Variants in PALLD observed in about 807,000 individuals in gnomAD.
PALLD encodes palladin, cytoskeletal associated protein, also known as palladin.
PALLD carries 61 observed loss-of-function variants against 123.5 expected under a neutral mutation model. The observed-to-expected ratio is 0.49, with a 90% CI of 0.40 to 0.61. The LOEUF is 0.61. PALLD is among the 20% of genes least tolerant of loss of function. The probability of loss-of-function intolerance (pLI) is 0.00; values close to 1 mark genes in which losing one functional copy is unlikely to be tolerated. For synonymous variants in PALLD, 465 were observed against 496.4 expected (o/e 0.94, Z 0.84); for missense variants, 1,273 against 1,377.0 (o/e 0.92, Z 1.20).
intron 2 of PALLD, among the ~76,000 whole-genome samples, chr4:168,606,103 A>C (rs1406511895): frequency 1.3e-5 from 2 of 152,190 alleles, no homozygotes; most frequent in Non-Finnish European, 2.9e-5. Flanking sequence ...AGTGAATTAG[A>C]AGTTGTTTTA....
chr4:168,718,597 AG>A (rs1250318044), intron 10 of PALLD, among the ~76,000 whole-genome samples: 1 of 152,218 alleles, frequency 6.6e-6, no homozygotes, highest in Non-Finnish European at 1.5e-5. Flanking sequence ...AAAAGTATAA[AG>A]AAATATATGC....
chr4:168,714,875 A>T (rs900804653), intron 10 of PALLD, among the ~76,000 whole-genome samples: 3 of 151,690 alleles, frequency 2.0e-5, no homozygotes, highest in African/African-American at 7.3e-5. Context: ...AGAAAACTGC[A>T]TTTTTTTTCT....
rs56057818 is a variant in PALLD, at chr4:168,738,943, C to A, written c.1964+27020C>A. ...AGGAAAAGACTTTCAAGCATAGAGT[C>A]CAGGCAGGTATCTATCATTCTGCTT... On this transcript the variant is annotated intron_variant, in intron 10 of 21. Coordinates refer to ENST00000505667, the MANE Select transcript of PALLD (RefSeq NM_001166108.2). 6.4e-3 allele frequency among the ~76,000 whole-genome samples: 972 copies of A among 152,168 alleles called. 12 individuals carry two copies. The highest frequency in any genetic ancestry group is 0.022 in the African/African-American group (916 of 41,510).
intron 12 of PALLD, among the ~76,000 whole-genome samples, chr4:168,895,653 G>A (rs181077390): frequency 6.6e-6 from 1 of 152,318 alleles, no homozygotes; most frequent in East Asian, 1.9e-4. Flanking sequence ...TTAAATTAGA[G>A]TGGTCTGAAG....
At chr4:168,533,133 C>A (rs138120177) in intron 2 of PALLD, among the ~76,000 whole-genome samples, 11 of 152,212 alleles carry the variant, frequency 7.2e-5, no homozygotes, top group African/African-American at 2.6e-4. Context: ...TACATCAAAC[C>A]TTTGGGAGTT....
At chr4:168,575,860 G>A (rs1769516870) in intron 2 of PALLD, among the ~76,000 whole-genome samples, 1 of 152,024 alleles carries the variant, frequency 6.6e-6, no homozygotes, top group Non-Finnish European at 1.5e-5. Context: ...CTGCATGTTA[G>A]AATCATCCAA....
chr4:168,826,623 G>A (rs998825911), intron 10 of PALLD, among the ~76,000 whole-genome samples: 1 of 152,048 alleles, frequency 6.6e-6, no homozygotes, highest in African/African-American at 2.4e-5. Flanking sequence ...TTTTTACTCT[G>A]TTTTTTAATT....
intron 15 of PALLD, among the ~76,000 whole-genome samples, chr4:168,907,124 A>G (rs549817124): frequency 5.8e-4 from 88 of 150,912 alleles, no homozygotes; most frequent in African/African-American, 2.0e-3. Flanking sequence ...TGAGGATGAT[A>G]ATAATAATAA....
intron 2 of PALLD, among the ~76,000 whole-genome samples, chr4:168,567,737 A>G (rs1580351233): frequency 6.6e-6 from 1 of 151,956 alleles, no homozygotes; most frequent in East Asian, 1.9e-4. Context: ...TATAAGTGGG[A>G]GCTAAACAAT....
chr4:168,737,836 T>C (rs907126440), intron 10 of PALLD, among the ~76,000 whole-genome samples: 10 of 152,216 alleles, frequency 6.6e-5, no homozygotes, highest in African/African-American at 2.4e-4. Flanking sequence ...GTTTAGTAGT[T>C]TCGCTTCAAA....
chr4:168,733,933 C>T (rs1186793427), intron 10 of PALLD, among the ~76,000 whole-genome samples: 1 of 152,178 alleles, frequency 6.6e-6, no homozygotes, highest in Admixed American at 6.5e-5. Context: ...GACGGGGTTT[C>T]ACCATGTTAG....
At chr4:168,867,367 A>T (rs1301236352) in intron 10 of PALLD, among the ~76,000 whole-genome samples, 1 of 152,174 alleles carries the variant, frequency 6.6e-6, no homozygotes, top group African/African-American at 2.4e-5. Context: ...GGCTTTAAAC[A>T]CAGGAAATGG....
At chr4:168,735,977 T>A (rs566469615) in intron 10 of PALLD, among the ~76,000 whole-genome samples, 1 of 152,334 alleles carries the variant, frequency 6.6e-6, no homozygotes, top group Non-Finnish European at 1.5e-5. Flanking sequence ...ACCCAAGCTT[T>A]GCCAAAAGGA....
intron 10 of PALLD, among the ~76,000 whole-genome samples, chr4:168,845,380 G>T (rs1031718315): frequency 1.3e-5 from 2 of 151,948 alleles, no homozygotes; most frequent in African/African-American, 4.8e-5. Context: ...GGATCCCTGG[G>T]TTCCACATTC....
chr4:168,630,129 T>C (rs1449572061), intron 2 of PALLD, among the ~76,000 whole-genome samples: 1 of 152,328 alleles, frequency 6.6e-6, no homozygotes, highest in Non-Finnish European at 1.5e-5. Flanking sequence ...AGAGGAAAGA[T>C]CTTTCTAAGA....
chr4:168,761,189 G>A (rs941476268), intron 10 of PALLD, among the ~76,000 whole-genome samples: 12 of 152,070 alleles, frequency 7.9e-5, no homozygotes, highest in African/African-American at 2.9e-4. Context: ...TTTTTCATAC[G>A]GAAAAGTTTT....
At chr4:168,499,436 T>G (rs142861383) in intron 1 of PALLD, among the ~76,000 whole-genome samples, 1 of 152,120 alleles carries the variant, frequency 6.6e-6, no homozygotes, top group African/African-American at 2.4e-5. Context: ...AAATTAAGTG[T>G]TAAAGCTTTT....
At chr4:168,848,351 C>G (rs947399366) in intron 10 of PALLD, among the ~76,000 whole-genome samples, 2 of 152,204 alleles carry the variant, frequency 1.3e-5, no homozygotes, top group Admixed American at 6.5e-5. Context: ...AGGTACTGAT[C>G]GTTGTTGTCA....
At chr4:168,800,682 G>A (rs981924276) in intron 10 of PALLD, among the ~76,000 whole-genome samples, 5 of 152,118 alleles carry the variant, frequency 3.3e-5, no homozygotes, top group African/African-American at 7.2e-5. Context: ...TAAAAACCAC[G>A]TTGGAAAAGA....
Sources: gnomAD v4.1 joint callset for allele counts (sites outside exome capture counted in the v4.1 genomes callset) on GRCh38, gnomAD v4.1.1 for gene constraint, MANE v1.5 for transcripts, NCBI Gene and HGNC (gene_info 2026-07-23, HGNC 2026-07-21) for gene names.